Variants in TAF1D observed in about 807,000 individuals in gnomAD.
The protein encoded by TAF1D is TATA box-binding protein-associated factor RNA polymerase I subunit D.
Under a neutral mutation model 26.2 loss-of-function variants are expected in TAF1D, and 23 were observed. The observed-to-expected ratio is 0.88, with a 90% CI of 0.63 to 1.25. The LOEUF is 1.25. TAF1D is among the 50% of genes most tolerant of loss of function. The probability of loss-of-function intolerance (pLI) is 0.00; values close to 1 mark genes in which losing one functional copy is unlikely to be tolerated. For synonymous variants in TAF1D, 100 were observed against 105.6 expected (o/e 0.95, Z 0.33); for missense variants, 299 against 322.0 (o/e 0.93, Z 0.55).
intron 4 of TAF1D, 55 bp from the exon 5 acceptor site, chr11:93,736,806 T>C: frequency 6.5e-7 from 1 of 1,540,538 alleles, no homozygotes; most frequent in South Asian, 1.2e-5. Flanking sequence ...ACCTAATTAG[T>C]TGTATATTCC....
chr11:93,738,140 T>C lies in TAF1D; in HGVS notation c.428A>G (p.Asn143Ser), dbSNP rs1941177558. The change falls in exon 3 of 6, where the codon AAC (asparagine) becomes AGC (serine). Residue 143 changes from asparagine (N) to serine (S), a missense_variant. Asn to Ser is a conservative substitution (Grantham distance 46). Transcript: ENST00000448108. The stretch of plus-strand genomic sequence containing the variant: ...CGTTAAAATTTTTCTCCAAGGTGCG[T>C]TTTTTTCATTCTCTGATTCTAAAAA... ...FPFLESENEK[N>S]APWRKILTFE... 1 of 1,563,568 alleles carries C rather than the reference T, an allele frequency of 6.4e-7. No homozygotes were observed. The highest frequency in any genetic ancestry group is 1.2e-5 in the South Asian group (1 of 82,328).
rs139427705 is a variant in TAF1D at position 93,737,064 on chromosome 11, G to A, written c.635C>T (p.Thr212Ile). ...AAGTATTTCATATGATTCCACTTAC[G>A]TTGACTCCTCAATAGGAGAAATGGA... ...DGSISPIEES[T>I]AEDEDATHLE... Residue 212 changes from threonine to isoleucine, a missense_variant and splice_region_variant, in exon 4 of 6, where the codon ACA becomes ATA. Coordinates refer to ENST00000448108, the MANE Select transcript of TAF1D (RefSeq NM_024116.4). 2.7e-5 allele frequency: 42 copies of A among 1,584,382 alleles called. No homozygotes were observed. The highest frequency in any genetic ancestry group is 1.4e-4 in the East Asian group (6 of 44,328).
At chr11:93,732,808 A>G (rs1939529782), downstream of TAF1D, 1 of 235,282 alleles carries the variant, frequency 4.3e-6, no homozygotes, top group African/African-American at 2.3e-5. Flanking sequence ...TGTAATTCAT[A>G]TCCCTATTGA....
chr11:93,739,000 A>T, intron 2 of TAF1D: 1 of 527,450 alleles, frequency 1.9e-6, no homozygotes, highest in Admixed American at 3.7e-5. Flanking sequence ...AGAGATGCTA[A>T]TATGACCCAA....
At position 93,737,065 on chromosome 11, in the gene TAF1D, T is replaced by A. The variant is rs201991277; in HGVS notation, c.634A>T (p.Thr212Ser). 1 of 1,587,554 alleles carries A rather than the reference T, an allele frequency of 6.3e-7. No homozygotes were observed. The highest frequency in any genetic ancestry group is 2.2e-5 in the East Asian group (1 of 44,488). ...DGSISPIEES[T>S]AEDEDATHLE... ...AGTATTTCATATGATTCCACTTACG[T>A]TGACTCCTCAATAGGAGAAATGGAT... Residue 212 changes from threonine to serine, a missense_variant and splice_region_variant, in exon 4 of 6, where the codon ACA (threonine) becomes TCA (serine). Thr to Ser is a moderately conservative substitution (Grantham distance 58). Coordinates refer to ENST00000448108, the MANE Select transcript of TAF1D (RefSeq NM_024116.4).
At chr11:93,732,460 A>G (rs766235967), downstream of TAF1D, 5 of 518,828 alleles carry the variant, frequency 9.6e-6, no homozygotes, top group Admixed American at 3.9e-5. Flanking sequence ...TGAACACCCT[A>G]GCAGGTGTAA....
At chr11:93,736,470 CAAT>C (rs1418278039) in intron 5 of TAF1D, 166 bp from the exon 6 acceptor site, 20 of 1,423,518 alleles carry the variant, frequency 1.4e-5, no homozygotes, top group East Asian at 7.9e-5. Flanking sequence ...TCCTAACTAG[CAAT>C]AATATGTATC....
intron 2 of TAF1D, chr11:93,738,859 G>C (rs1591290884): frequency 3.3e-6 from 1 of 306,378 alleles, no homozygotes; most frequent in East Asian, 6.9e-5. Flanking sequence ...GCACCACTAT[G>C]CTCAGCTTAC....
At chr11:93,730,344 T>C (rs1938285464) in exon 12 of TAF1D, 2 of 1,110,738 alleles carry the variant, frequency 1.8e-6, no homozygotes, top group Admixed American at 2.0e-5. Flanking sequence ...AGTCAATAAA[T>C]TGTTATTCGA....
downstream of TAF1D, chr11:93,731,640 T>A (rs72974686): frequency 6.8e-5 from 34 of 497,318 alleles, no homozygotes; most frequent in African/African-American, 4.5e-4. Flanking sequence ...TAAGTGGTGA[T>A]AGATGTTGCA....
chr11:93,731,324 CAAGT>C (rs1938686444), downstream of TAF1D: 2 of 346,604 alleles, frequency 5.8e-6, no homozygotes, highest in South Asian at 4.5e-5. Context: ...CCCGGCACCC[CAAGT>C]AAGGTATTGA....
chr11:93,735,901 T>C lies in TAF1D; in HGVS notation c.*260A>G, dbSNP rs1243905047. ...CTCACAGGACACCTGTAAGCTCTTA[T>C]TCAGAAATCAAATGACAATTTCTCA... On this transcript the variant is annotated 3_prime_UTR_variant, in exon 6 of 6. Coordinates refer to ENST00000448108, the MANE Select transcript of TAF1D (RefSeq NM_024116.4). The C allele has an allele frequency of 4.1e-6, 5 of 1,231,972 alleles. No individual in the cohort carries two copies. In the African/African-American group the frequency reaches 6.4e-5, roughly 16 times the overall value. The allele number at this position is 1,231,972 out of a possible 1,614,324, so 76.3% of individuals were successfully genotyped here.
chr11:93,737,292 C>G lies in TAF1D; in HGVS notation c.460-53G>C, dbSNP rs1055754048. On this transcript the variant is annotated intron_variant, in intron 3 of 5. Coordinates refer to ENST00000448108, the MANE Select transcript of TAF1D (RefSeq NM_024116.4). Reference sequence around the variant, plus strand: ...TCGAGATTTTATTTTTAAGACCCAGCAGGTGCCTATGTTCAAAAAGGGCAA... The same window carrying G: ...TCGAGATTTTATTTTTAAGACCCAGGAGGTGCCTATGTTCAAAAAGGGCAA... 8.1e-6 allele frequency: 11 copies of G among 1,358,662 alleles called. No individual in the cohort carries two copies. The African/African-American group carries it at 1.2e-4, about 14-fold the overall frequency. 84.2% of individuals were successfully genotyped at this position (1,358,662 alleles called of 1,614,324 possible). A position where few individuals can be genotyped will look rare whatever the true frequency, so the allele number is the denominator to read the frequency against.
chr11:93,731,745 TA>T (rs1938975768), downstream of TAF1D: 1 of 350,960 alleles, frequency 2.8e-6, no homozygotes, highest in South Asian at 2.2e-5. Flanking sequence ...AGTAATGAAT[TA>T]ACTTACCAAG....
intron 1 of TAF1D, among the ~76,000 whole-genome samples, chr11:93,740,340 G>C (rs935227228): frequency 7.1e-6 from 1 of 141,448 alleles, no homozygotes; most frequent in African/African-American, 2.8e-5. Flanking sequence ...CCAGCCACTC[G>C]GGAGGATCGC....
downstream of TAF1D, chr11:93,733,618 T>A (rs192262386): frequency 1.8e-3 from 868 of 488,226 alleles, 10 homozygotes; most frequent in African/African-American, 0.015. Context: ...AAGGTTTTGA[T>A]TTTTTTTTAA....
At chr11:93,736,823 A>C (rs747062881) in intron 4 of TAF1D, 72 bp from the exon 5 acceptor site, 1 of 1,467,362 alleles carries the variant, frequency 6.8e-7, no homozygotes, top group Non-Finnish European at 9.3e-7. Flanking sequence ...TTCCACTCTG[A>C]AATATAACTG....
At position 93,737,140 on chromosome 11, in the gene TAF1D, C is replaced by T; in HGVS notation, c.559G>A (p.Glu187Lys). The T allele has an allele frequency of 6.2e-7, 1 of 1,612,400 alleles. No homozygotes were observed. The highest frequency in any genetic ancestry group is 8.5e-7 in the Non-Finnish European group (1 of 1,179,262). ...CTACGACTGTCAAAATCTTCATTTTCTAAATCTTCACCAACATTCATTTGC... is the reference window on the plus strand; with the variant it reads ...CTACGACTGTCAAAATCTTCATTTTTTAAATCTTCACCAACATTCATTTGC... ...LKQMNVGEDL[E>K]NEDFDSRRYK... The change falls in exon 4 of 6, where the codon GAA becomes AAA. Residue 187 changes from glutamate to lysine, a missense_variant. Physicochemically the swap from Glu to Lys is moderately conservative, Grantham distance 56. Coordinates refer to ENST00000448108, the MANE Select transcript of TAF1D (RefSeq NM_024116.4).
downstream of TAF1D, chr11:93,731,382 T>A (rs1395440116): frequency 5.1e-5 from 20 of 393,618 alleles, no homozygotes; most frequent in African/African-American, 2.1e-5. Context: ...TAGGTATTTT[T>A]AAAAATCAAT....
Sources: allele counts gnomAD v4.1 joint callset (sites outside exome capture counted in the v4.1 genomes callset), GRCh38; gene constraint gnomAD v4.1.1; transcripts MANE v1.5; gene names NCBI Gene and HGNC (gene_info 2026-07-23, HGNC 2026-07-21).